Variants in PCP4L1 observed in about 807,000 individuals in gnomAD.
The protein encoded by PCP4L1 is Purkinje cell protein 4 like 1.
A neutral mutation model predicts 9.6 loss-of-function variants in PCP4L1; 9 were observed. The ratio of observed to expected loss-of-function variants is 0.94; its 90% CI spans 0.57 to 1.64. The LOEUF is 1.64. Ranked by LOEUF, PCP4L1 falls within the 40% of genes most tolerant of loss-of-function variation. PCP4L1 has a pLI of 0.00. For synonymous variants in PCP4L1, 31 were observed against 28.2 expected (o/e 1.10, Z -0.31); for missense variants, 81 against 80.8 (o/e 1.00, Z -0.01).
At chr1:161,260,651 G>A (rs925786042) in intron 1 of PCP4L1, among the ~76,000 whole-genome samples, 1 of 152,180 alleles carries the variant, frequency 6.6e-6, no homozygotes, top group African/African-American at 2.4e-5. Context: ...GTGGTATTTG[G>A]TGGAATGAGA....
At chr1:161,281,470 G>GC (rs1165273304) in intron 1 of PCP4L1, among the ~76,000 whole-genome samples, 17 of 141,358 alleles carry the variant, frequency 1.2e-4, no homozygotes, top group South Asian at 1.1e-3. Context: ...AGGCGGAGGC[G>GC]CCCCCCACCT....
intron 1 of PCP4L1, among the ~76,000 whole-genome samples, chr1:161,270,169 T>C (rs1669599089): frequency 6.6e-6 from 1 of 151,852 alleles, no homozygotes; most frequent in Non-Finnish European, 1.5e-5. Context: ...TGGTGGTGCA[T>C]GCCTGTAATC....
chr1:161,280,830 CT>C (rs1000708760), intron 1 of PCP4L1, among the ~76,000 whole-genome samples: 7 of 151,588 alleles, frequency 4.6e-5, no homozygotes, highest in East Asian at 1.9e-4. Context: ...TTCTACAATT[CT>C]TTTTTTTTAA....
At chr1:161,269,998 C>A (rs1342027997) in intron 1 of PCP4L1, among the ~76,000 whole-genome samples, 3 of 145,848 alleles carry the variant, frequency 2.1e-5, no homozygotes, top group African/African-American at 2.5e-5. Context: ...GACCTTGTCT[C>A]AAAAAAAAAA....
At chr1:161,280,987 G>A (rs895525807) in intron 1 of PCP4L1, among the ~76,000 whole-genome samples, 18 of 152,106 alleles carry the variant, frequency 1.2e-4, no homozygotes, top group African/African-American at 4.3e-4. Flanking sequence ...AGGACCCTGA[G>A]GCCTTCTGCA....
In PCP4L1 at chr1:161,258,840, C is replaced by T. The variant is rs914752589; in HGVS notation, c.-135C>T. On this transcript the variant is annotated 5_prime_UTR_variant, in exon 1 of 3. Transcript: ENST00000504449. ...AGCACCAGAGCAGCGGCTCTCCGCA[C>T]TAACTCTCCTCTCCTGGTCAGCTGT... 5.2e-6 allele frequency: 7 copies of T among 1,353,662 alleles called. No individual in the cohort carries two copies. In the Admixed American group the frequency reaches 1.2e-4, roughly 23 times the overall value. 83.9% of individuals were successfully genotyped at this position (1,353,662 alleles called of 1,614,324 possible).
intron 1 of PCP4L1, among the ~76,000 whole-genome samples, chr1:161,272,334 T>C (rs919305441): frequency 1.3e-5 from 2 of 150,658 alleles, no homozygotes; most frequent in African/African-American, 4.9e-5. Context: ...CCGAGGCGGG[T>C]AGATCATGAG....
intron 1 of PCP4L1, among the ~76,000 whole-genome samples, chr1:161,278,125 C>T (rs1384413042): frequency 1.3e-5 from 2 of 152,116 alleles, no homozygotes; most frequent in Non-Finnish European, 2.9e-5. Flanking sequence ...TTAAAATCCC[C>T]CATCTTACCA....
intron 1 of PCP4L1, among the ~76,000 whole-genome samples, chr1:161,265,771 T>C (rs1669520555): frequency 7.2e-6 from 1 of 138,756 alleles, no homozygotes; most frequent in Non-Finnish European, 1.5e-5. Context: ...ACAGTTTCGC[T>C]CTTGTTGCCC....
intron 1 of PCP4L1, among the ~76,000 whole-genome samples, chr1:161,278,556 A>G (rs1669741298): frequency 6.6e-6 from 1 of 151,988 alleles, no homozygotes; most frequent in African/African-American, 2.4e-5. Flanking sequence ...GGCATGAGCC[A>G]CCACGCCCAG....
chr1:161,281,682 C>A (rs888202214), intron 1 of PCP4L1, among the ~76,000 whole-genome samples: 2 of 150,694 alleles, frequency 1.3e-5, no homozygotes, highest in Non-Finnish European at 3.0e-5. Flanking sequence ...GGGTGGCTGC[C>A]GGGCGGAGGG....
At chr1:161,278,296 A>G (rs1420167211) in intron 1 of PCP4L1, among the ~76,000 whole-genome samples, 2 of 152,008 alleles carry the variant, frequency 1.3e-5, no homozygotes, top group Admixed American at 6.6e-5. Context: ...ATTTCCTATT[A>G]TCTCCATCAC....
At chr1:161,259,308 G>T (rs1349615073) in intron 1 of PCP4L1, among the ~76,000 whole-genome samples, 1 of 152,098 alleles carries the variant, frequency 6.6e-6, no homozygotes, top group Non-Finnish European at 1.5e-5. Context: ...CTTACTGCCC[G>T]AGATTATTCT....
intron 1 of PCP4L1, among the ~76,000 whole-genome samples, chr1:161,277,114 A>G (rs1669713459): frequency 1.3e-5 from 2 of 152,210 alleles, no homozygotes; most frequent in African/African-American, 2.4e-5. Context: ...GAGTTAATAA[A>G]TGATTTCAGC....
intron 1 of PCP4L1, among the ~76,000 whole-genome samples, chr1:161,265,732 C>CTTTTTTTTT (rs869123262): frequency 1.3e-5 from 1 of 76,704 alleles, no homozygotes. Context: ...TCCAAAACCA[C>CTTTTTTTTT]TTTTTTTTTT....
chr1:161,272,854 ACAT>A (rs1321547417), intron 1 of PCP4L1, among the ~76,000 whole-genome samples: 1 of 152,106 alleles, frequency 6.6e-6, no homozygotes, highest in African/African-American at 2.4e-5. Flanking sequence ...GAAGGACAAG[ACAT>A]CATCTGACAA....
chr1:161,273,274 T>C (rs1669650274), intron 1 of PCP4L1, among the ~76,000 whole-genome samples: 2 of 152,184 alleles, frequency 1.3e-5, no homozygotes, highest in Admixed American at 1.3e-4. Context: ...AAGGAGTTGA[T>C]GGGCCTCACA....
chr1:161,274,084 A>AT (rs1669664734), intron 1 of PCP4L1, among the ~76,000 whole-genome samples: 1 of 152,260 alleles, frequency 6.6e-6, no homozygotes, highest in African/African-American at 2.4e-5. Flanking sequence ...AATTATACCT[A>AT]TTTTATAGGG....
In PCP4L1 at chr1:161,284,053, C is replaced by G. The variant is rs111334021; in HGVS notation, c.65-286C>G. Among the ~76,000 whole-genome samples the G allele has an allele frequency of 7.1e-3, 1,087 of 152,238 alleles. 9 individuals are homozygous for G. Among genetic ancestry groups the G allele is most frequent in the Non-Finnish European group, 0.012 (832 of 68,012 alleles). ...GAGAAAGCTGAGGAAAGTGAGTGTG[C>G]ATTGGAACTTGAACTGTAGGATTTA... On this transcript the variant is annotated intron_variant, in intron 2 of 2. Coordinates refer to ENST00000504449, the MANE Select transcript of PCP4L1 (RefSeq NM_001102566.2).
Sources: allele counts gnomAD v4.1 joint callset (sites outside exome capture counted in the v4.1 genomes callset), GRCh38; gene constraint gnomAD v4.1.1; transcripts MANE v1.5; gene names NCBI Gene and HGNC (gene_info 2026-07-23, HGNC 2026-07-21).